Variants in COG5 observed in about 807,000 individuals in gnomAD.
COG5 encodes the protein component of oligomeric golgi complex 5, also known as conserved oligomeric Golgi complex subunit 5.
A neutral mutation model predicts 110.4 loss-of-function variants in COG5; 86 were observed. The ratio of observed to expected loss-of-function variants is 0.78; its 90% confidence interval spans 0.65 to 0.93. The LOEUF (loss-of-function observed/expected upper bound fraction) is 0.93. Among genes scored for constraint, COG5 ranks in the 40% least tolerant of loss-of-function variants. The probability of loss-of-function intolerance (pLI) is 0.00; values close to 1 mark genes in which losing one functional copy is unlikely to be tolerated. For missense variants in COG5, 1,077 were observed against 987.0 expected, an observed-to-expected ratio of 1.09 and a Z score of -1.22; for synonymous variants, 360 against 334.6, an observed-to-expected ratio of 1.08 and a Z score of -0.83.
intron 3 of COG5, among the ~76,000 whole-genome samples, 188 bp downstream of exon 3, chr7:107,554,097 A>G (rs570032125): frequency 7.9e-5 from 12 of 152,240 alleles, no homozygotes; most frequent in Non-Finnish European, 1.5e-4. Flanking sequence ...TCTTACTGAA[A>G]CATAGCCACA....
In COG5 at chr7:107,203,671, A is replaced by G. The variant is rs1460311135; in HGVS notation, c.2376-41T>C. ...AAAACAATGTCAAAATATTAGATAA[A>G]TCACATAAAACAGTTAAGGGGATAC... On this transcript the variant is annotated intron_variant, in intron 21 of 21. Coordinates refer to ENST00000297135, the MANE Select transcript of COG5 (RefSeq NM_006348.5). 7.1e-6 allele frequency: 9 copies of G among 1,268,238 alleles called. No individual in the cohort carries two copies. In the East Asian group the frequency reaches 2.1e-4, roughly 29 times the overall value. 78.6% of individuals were successfully genotyped at this position (1,268,238 alleles called of 1,614,324 possible).
At chr7:107,317,820 A>G (rs1271871927) in intron 11 of COG5, among the ~76,000 whole-genome samples, 1 of 152,222 alleles carries the variant, frequency 6.6e-6, no homozygotes, top group Non-Finnish European at 1.5e-5. Context: ...CGGAATTAAC[A>G]TAGATGTTAG....
chr7:107,460,722 C>G lies in COG5; in HGVS notation c.539-48090G>C, dbSNP rs542303893. Among the ~76,000 whole-genome samples the G allele has an allele frequency of 2.7e-5, 4 of 150,510 alleles. No individual in the cohort carries two copies. The East Asian group carries it at 5.9e-4, about 22-fold the overall frequency. On this transcript the variant is annotated intron_variant, in intron 6 of 21. Transcript: ENST00000297135. ...AAATTGGTAAACTTGTAGGCAAACT[C>G]AAAAAGAAAAAAAGATGATAGAAAT...
At chr7:107,388,960 C>T (rs902383412) in intron 7 of COG5, among the ~76,000 whole-genome samples, 4 of 152,140 alleles carry the variant, frequency 2.6e-5, no homozygotes, top group African/African-American at 9.7e-5. Flanking sequence ...AAGGCTGAAA[C>T]GAATTCTACT....
At chr7:107,341,135 T>TTA (rs1396670892) in intron 10 of COG5, among the ~76,000 whole-genome samples, 1 of 152,066 alleles carries the variant, frequency 6.6e-6, no homozygotes, top group Non-Finnish European at 1.5e-5. Context: ...ATCCTAAAGA[T>TTA]TACACCATAA....
intron 21 of COG5, among the ~76,000 whole-genome samples, chr7:107,204,039 G>T (rs1330603776): frequency 1.3e-5 from 2 of 152,222 alleles, no homozygotes; most frequent in Non-Finnish European, 2.9e-5. Flanking sequence ...AGTACAAGGG[G>T]ATGGGGCCCT....
intron 11 of COG5, among the ~76,000 whole-genome samples, chr7:107,323,875 C>T (rs960999241): frequency 2.0e-5 from 3 of 152,048 alleles, no homozygotes; most frequent in African/African-American, 7.2e-5. Context: ...CAAACACACG[C>T]GTAAGATATT....
chr7:107,324,467 A>G lies in COG5; in HGVS notation c.1081T>C (p.Ser361Pro). The part of the protein sequence containing the change: ...TFWNSVTQAL[S>P]SQFHMATNSS... ...TTTGTTGCCATATGAAATTGAGAAG[A>G]AAGTGCCTGAGTAACTGAATTCCAA... The change falls in exon 11 of 22, where the codon TCT becomes CCT. Residue 361 changes from serine (S) to proline (P), a missense_variant. Physicochemically the swap from Ser to Pro is moderately conservative, Grantham distance 74. Coordinates refer to ENST00000297135, the MANE Select transcript of COG5 (RefSeq NM_006348.5). 6.2e-7 allele frequency: 1 copy of G among 1,605,314 alleles called. No homozygotes were observed. Among genetic ancestry groups the G allele is most frequent in the East Asian group, 2.2e-5 (1 of 44,614 alleles).
chr7:107,498,215 G>A (rs1798402442), intron 6 of COG5, among the ~76,000 whole-genome samples: 3 of 152,106 alleles, frequency 2.0e-5, no homozygotes, highest in African/African-American at 4.8e-5. Flanking sequence ...CTGTACCATT[G>A]GTCTTGGCAA....
intron 14 of COG5, among the ~76,000 whole-genome samples, chr7:107,260,147 T>G (rs1270235124): frequency 6.7e-6 from 1 of 149,176 alleles, no homozygotes; most frequent in East Asian, 2.0e-4. Flanking sequence ...ATAGCAGCAT[T>G]TATTCATAAT....
rs548012702 is a variant in COG5, at chr7:107,553,149, C to T, written c.292+1136G>A. Among the ~76,000 whole-genome samples, 3 of 152,240 alleles carry T rather than the reference C, an allele frequency of 2.0e-5. No homozygotes were observed. The East Asian group carries it at 5.8e-4, about 29-fold the overall frequency. ...TAACTGTTGGGTCCTATGCACACTACCTGGGTGACAGGATCATTTGTACCC... is the reference window on the plus strand; with the variant it reads ...TAACTGTTGGGTCCTATGCACACTATCTGGGTGACAGGATCATTTGTACCC... On this transcript the variant is annotated intron_variant, in intron 3 of 21. Coordinates refer to ENST00000297135, the MANE Select transcript of COG5 (RefSeq NM_006348.5).
chr7:107,558,914 C>CAAAAAAAAAAAAAAAAAAAAAACAA, intron 1 of COG5, among the ~76,000 whole-genome samples: 1 of 31,174 alleles, frequency 3.2e-5, no homozygotes, highest in Non-Finnish European at 7.8e-5. Flanking sequence ...GACTTCATCT[C>CAAAAAAAAAAAAAAAAAAAAAACAA]AAAAAAAAAA....
intron 10 of COG5, among the ~76,000 whole-genome samples, chr7:107,348,366 T>C (rs1811825624): frequency 6.6e-6 from 1 of 152,076 alleles, no homozygotes; most frequent in African/African-American, 2.4e-5. Flanking sequence ...TAGAAAAACT[T>C]CATAATCTGT....
chr7:107,467,928 T>A (rs1015907091), intron 6 of COG5, among the ~76,000 whole-genome samples: 24 of 152,320 alleles, frequency 1.6e-4, no homozygotes, highest in African/African-American at 4.8e-5. Flanking sequence ...CCATTATGGC[T>A]CAGAAACCCC....
chr7:107,356,315 A>G (rs1562986155), intron 10 of COG5, among the ~76,000 whole-genome samples: 1 of 152,256 alleles, frequency 6.6e-6, no homozygotes, highest in Admixed American at 6.5e-5. Flanking sequence ...TATGGAATTA[A>G]TAATGTAACT....
At chr7:107,226,242 T>G (rs1369836756) in intron 19 of COG5, among the ~76,000 whole-genome samples, 1 of 152,210 alleles carries the variant, frequency 6.6e-6, no homozygotes, top group East Asian at 1.9e-4. Context: ...CTGACTACCA[T>G]TCAACTGGTT....
At chr7:107,405,221 A>G (rs1003531491) in intron 7 of COG5, among the ~76,000 whole-genome samples, 1 of 152,216 alleles carries the variant, frequency 6.6e-6, no homozygotes, top group Non-Finnish European at 1.5e-5. Flanking sequence ...ATGGATAATT[A>G]TATCTTCTTC....
intron 14 of COG5, among the ~76,000 whole-genome samples, chr7:107,265,891 C>T (rs1562940983): frequency 6.6e-6 from 1 of 151,844 alleles, no homozygotes; most frequent in African/African-American, 2.4e-5. Flanking sequence ...CCTGTCTCTA[C>T]AAAAAATGAA....
At chr7:107,223,010 C>T (rs1800060880) in intron 19 of COG5, among the ~76,000 whole-genome samples, 1 of 152,142 alleles carries the variant, frequency 6.6e-6, no homozygotes, top group Non-Finnish European at 1.5e-5. Context: ...GGCAAAAATC[C>T]TGCTGCTCCT....
Sources: gnomAD v4.1 joint callset for allele counts (sites outside exome capture counted in the v4.1 genomes callset) on GRCh38, gnomAD v4.1.1 for gene constraint, MANE v1.5 for transcripts, NCBI Gene and HGNC (gene_info 2026-07-23, HGNC 2026-07-21) for gene names.